The following SEMA3D variants were observed in gnomAD, a reference collection of about 807,000 sequenced individuals.
SEMA3D encodes the protein semaphorin 3D, also known as semaphorin-3D.
SEMA3D carries 84 observed loss-of-function variants against 100.1 expected under a neutral mutation model. The observed-to-expected ratio is 0.84, with a 90% CI of 0.70 to 1.01. The LOEUF (loss-of-function observed/expected upper bound fraction) is 1.01. Ranked by LOEUF, SEMA3D falls within the 50% of genes least tolerant of loss-of-function variation. The pLI is 0.00. For synonymous variants in SEMA3D, 312 were observed against 320.7 expected (o/e 0.97, Z 0.29); for missense variants, 875 against 934.1 (o/e 0.94, Z 0.82).
At chr7:85,187,673 A>G (rs1004894857), upstream of SEMA3D, among the ~76,000 whole-genome samples, 2 of 152,196 alleles carry the variant, frequency 1.3e-5, no homozygotes, top group Non-Finnish European at 2.9e-5. Context: ...TTCACACAGT[A>G]GGAACTTAGA....
intron 9 of SEMA3D, among the ~76,000 whole-genome samples, chr7:85,048,475 G>A (rs1031294723): frequency 2.6e-5 from 4 of 151,780 alleles, no homozygotes; most frequent in Non-Finnish European, 5.9e-5. Flanking sequence ...AAGCCCCCAA[G>A]AGACTCATTA....
chr7:85,163,913 A>C (rs940141245), intron 1 of SEMA3D, among the ~76,000 whole-genome samples: 2 of 152,172 alleles, frequency 1.3e-5, no homozygotes, highest in African/African-American at 4.8e-5. Flanking sequence ...CCATTCTAAC[A>C]AGAAAAGCTT....
intron 2 of SEMA3D, chr7:85,141,361 T>G (rs1052021506): frequency 1.6e-5 from 16 of 984,396 alleles, no homozygotes; most frequent in Non-Finnish European, 1.8e-5. Flanking sequence ...CTGCACAGTA[T>G]GCCCTATTTC....
At chr7:85,188,527 A>G (rs2116599132), upstream of SEMA3D, among the ~76,000 whole-genome samples, 1 of 152,304 alleles carries the variant, frequency 6.6e-6, no homozygotes, top group South Asian at 2.1e-4. Context: ...TCATTTGTAT[A>G]TGTCATTGCA....
chr7:85,022,635 A>G, intron 12 of SEMA3D, 22 bp from the exon 13 acceptor site: 1 of 1,511,992 alleles, frequency 6.6e-7, no homozygotes. Flanking sequence ...TGTGGAGGAA[A>G]GTAAAGACAT....
At chr7:85,027,976 T>C (rs1211701994) in intron 12 of SEMA3D, 28 of 574,950 alleles carry the variant, frequency 4.9e-5, no homozygotes, top group Non-Finnish European at 8.4e-5. Flanking sequence ...ACCAAACAAT[T>C]GATTAGTGAT....
intron 3 of SEMA3D, among the ~76,000 whole-genome samples, chr7:85,110,205 A>G (rs1038774719): frequency 2.0e-5 from 3 of 151,760 alleles, no homozygotes; most frequent in Non-Finnish European, 4.4e-5. Flanking sequence ...CACTTCCACC[A>G]CTCTGTGAAG....
intron 2 of SEMA3D, among the ~76,000 whole-genome samples, chr7:85,148,504 A>G (rs972754553): frequency 4.6e-5 from 7 of 152,192 alleles, no homozygotes; most frequent in African/African-American, 1.2e-4. Context: ...TCTATAAGAT[A>G]CTTGTTTTTA....
intron 18 of SEMA3D, 58 bp from the exon 19 acceptor site, chr7:84,999,923 T>C (rs548555596): frequency 1.4e-6 from 2 of 1,380,894 alleles, no homozygotes; most frequent in Non-Finnish European, 2.0e-6. Flanking sequence ...TAAGAGCAAA[T>C]GAAAACAGGC....
chr7:85,044,135 G>C (rs1199799084), intron 9 of SEMA3D, among the ~76,000 whole-genome samples: 1 of 151,992 alleles, frequency 6.6e-6, no homozygotes, highest in Non-Finnish European at 1.5e-5. Context: ...GAAGTTAACT[G>C]TTAAGTTTCA....
In SEMA3D at chr7:84,998,196, T is replaced by C. The variant is rs1271438342; in HGVS notation, c.*1244A>G. On this transcript the variant is annotated 3_prime_UTR_variant, in exon 19 of 19. Coordinates refer to ENST00000284136, the MANE Select transcript of SEMA3D (RefSeq NM_001384900.1). ...TCCCCACTCCCCAGAAATGTCATTT[T>C]CTTAATTCTCTGTGTGTTATATATT... 2 of 152,144 alleles carry C rather than the reference T, an allele frequency of 1.3e-5. No homozygotes were observed. Among genetic ancestry groups the C allele is most frequent in the African/African-American group, 4.8e-5 (2 of 41,450 alleles). The allele number at this position is 152,144 out of a possible 1,614,324, so 9.4% of individuals were successfully genotyped here.
At chr7:85,026,524 T>C (rs966556239) in intron 12 of SEMA3D, among the ~76,000 whole-genome samples, 2 of 152,036 alleles carry the variant, frequency 1.3e-5, no homozygotes, top group African/African-American at 4.8e-5. Flanking sequence ...TGAGACATTA[T>C]GAGAGAATTC....
chr7:85,069,746 T>C (rs1432761163), intron 6 of SEMA3D, among the ~76,000 whole-genome samples: 1 of 152,202 alleles, frequency 6.6e-6, no homozygotes. Context: ...CTCAGCAACA[T>C]TATTGTTAAT....
At chr7:85,115,309 T>C (rs1789207587) in intron 3 of SEMA3D, among the ~76,000 whole-genome samples, 2 of 152,164 alleles carry the variant, frequency 1.3e-5, no homozygotes, top group Non-Finnish European at 2.9e-5. Context: ...AGTATCTCGG[T>C]ATCCTCATAC....
intron 12 of SEMA3D, among the ~76,000 whole-genome samples, chr7:85,023,510 A>G (rs931164111): frequency 1.3e-4 from 19 of 151,812 alleles, no homozygotes; most frequent in African/African-American, 4.4e-4. Context: ...ATTCTTTTGG[A>G]GAGGAAAACT....
At chr7:85,098,841 C>T (rs551977204) in intron 3 of SEMA3D, among the ~76,000 whole-genome samples, 1 of 151,966 alleles carries the variant, frequency 6.6e-6, no homozygotes, top group East Asian at 1.9e-4. Context: ...ATCCTTCTCC[C>T]CCACCCCTCC....
chr7:85,071,252 C>T (rs1001456162), intron 6 of SEMA3D, among the ~76,000 whole-genome samples: 3 of 152,086 alleles, frequency 2.0e-5, no homozygotes, highest in African/African-American at 7.2e-5. Flanking sequence ...AACATTACAC[C>T]ACCAACAAAG....
At chr7:85,071,374 G>T (rs1262535544) in intron 6 of SEMA3D, among the ~76,000 whole-genome samples, 2 of 152,136 alleles carry the variant, frequency 1.3e-5, no homozygotes, top group Non-Finnish European at 1.5e-5. Context: ...GGTTAGAAAG[G>T]AAAATCCATC....
chr7:85,121,881 T>C lies in SEMA3D; in HGVS notation c.11A>G (p.Asn4Ser). Residue 4 changes from asparagine (N) to serine (S), a missense_variant, in exon 3 of 19, where the codon AAT (asparagine) becomes AGT (serine). Asn to Ser is a conservative substitution (Grantham distance 46). Coordinates refer to ENST00000284136, the MANE Select transcript of SEMA3D (RefSeq NM_001384900.1). ...TCTGGCTTTAAGTCTTTCATCTTTA[T>C]TAGCATTCATGATGAAAACAATGTT... MNA[N>S]KDERLKARSQ... is the part of the protein sequence containing the mutation. The C allele has an allele frequency of 3.8e-6, 6 of 1,572,770 alleles. No individual in the cohort carries two copies. Among genetic ancestry groups the C allele is most frequent in the Non-Finnish European group, 5.2e-6 (6 of 1,152,244 alleles).
Sources: allele counts gnomAD v4.1 joint callset (sites outside exome capture counted in the v4.1 genomes callset), GRCh38; gene constraint gnomAD v4.1.1; transcripts MANE v1.5; gene names NCBI Gene and HGNC (gene_info 2026-07-23, HGNC 2026-07-21).